NDUFB4: variants seen among roughly 807,000 people sequenced by gnomAD.
The protein encoded by NDUFB4 is NADH:ubiquinone oxidoreductase subunit B4.
A neutral mutation model predicts 14.5 loss-of-function variants in NDUFB4; 10 were observed. The ratio of observed to expected loss-of-function variants is 0.69; its 90% CI spans 0.43 to 1.17. NDUFB4 has a LOEUF of 1.17. Ranked by LOEUF, NDUFB4 falls within the 50% of genes most tolerant of loss-of-function variation. The pLI is 0.00. For synonymous variants in NDUFB4, 65 were observed against 63.4 expected (o/e 1.03, Z -0.12); for missense variants, 165 against 161.1 (o/e 1.02, Z -0.13).
chr3:120,600,706 C>G (rs1940043055), intron 1 of NDUFB4, among the ~76,000 whole-genome samples: 1 of 152,160 alleles, frequency 6.6e-6, no homozygotes, highest in Non-Finnish European at 1.5e-5. Flanking sequence ...AAATCTGTTT[C>G]TCTTCATTGG....
intron 1 of NDUFB4, among the ~76,000 whole-genome samples, chr3:120,598,145 C>T (rs536514707): frequency 3.3e-5 from 5 of 151,916 alleles, no homozygotes; most frequent in South Asian, 2.1e-4. Flanking sequence ...CTCTGCCTCC[C>T]GGGCTCAAGC....
Position 120,600,230 on chromosome 3 carries a change from C to T in NDUFB4, c.181-881C>T, listed in dbSNP as rs1300359276. On this transcript the variant is annotated intron_variant, in intron 1 of 2. Transcript: ENST00000184266. ...AAGACCTTGTGAAATTATTTTAGTC[C>T]TACAAATCATGACTTCTTGATGTTG... Among the ~76,000 whole-genome samples the T allele has an allele frequency of 2.0e-5, 3 of 148,188 alleles. No individual in the cohort carries two copies. In the Admixed American group the frequency reaches 2.1e-4, roughly 10 times the overall value.
chr3:120,601,475 T>C, intron 2 of NDUFB4: 1 of 1,397,076 alleles, frequency 7.2e-7, no homozygotes, highest in Non-Finnish European at 9.2e-7. Context: ...AGTTCATTTG[T>C]TTTTTAAAAA....
intron 1 of NDUFB4, among the ~76,000 whole-genome samples, chr3:120,600,272 T>G (rs1419676735): frequency 6.6e-6 from 1 of 151,826 alleles, no homozygotes; most frequent in Non-Finnish European, 1.5e-5. Context: ...ACCTTGAATA[T>G]TCATGTTATA....
chr3:120,599,124 T>C (rs989564397), intron 1 of NDUFB4, among the ~76,000 whole-genome samples: 1 of 152,162 alleles, frequency 6.6e-6, no homozygotes, highest in Non-Finnish European at 1.5e-5. Flanking sequence ...CAAGGATGAC[T>C]CCAAGGTTTT....
intron 1 of NDUFB4, among the ~76,000 whole-genome samples, chr3:120,600,473 A>G (rs1940039352): frequency 6.6e-6 from 1 of 152,162 alleles, no homozygotes; most frequent in Non-Finnish European, 1.5e-5. Context: ...AGACAGTCTG[A>G]TTATTTTTCT....
chr3:120,602,341 C>T lies in NDUFB4; in HGVS notation c.*71C>T, dbSNP rs894266873. 2.2e-6 allele frequency: 3 copies of T among 1,388,212 alleles called. No homozygotes were observed. The allele number at this position is 1,388,212 out of a possible 1,614,324, so 86.0% of individuals were successfully genotyped here. A position where few individuals can be genotyped will look rare whatever the true frequency, so the allele number is the denominator to read the frequency against. On this transcript the variant is annotated 3_prime_UTR_variant, in exon 3 of 3. Coordinates refer to ENST00000184266, the MANE Select transcript of NDUFB4 (RefSeq NM_004547.6). ...TATTAATCATTAAGTAGTAGTTTCT[C>T]TTTCTTAGTATTACCTTGATTCAAT... is the stretch of plus-strand genomic sequence containing the variant.
intron 1 of NDUFB4, 136 bp downstream of exon 1, chr3:120,596,675 A>G (rs1939962140): frequency 1.0e-6 from 1 of 965,640 alleles, no homozygotes; most frequent in East Asian, 2.7e-5. Context: ...CCAACTCACT[A>G]CCCTTTTACC....
rs1940080652 is a variant in NDUFB4 at position 120,602,408 on chromosome 3, A to G, written c.*138A>G. On this transcript the variant is annotated 3_prime_UTR_variant, in exon 3 of 3. Coordinates refer to ENST00000184266, the MANE Select transcript of NDUFB4 (RefSeq NM_004547.6). ...ACCCTAACAACACAGAAGCAGACGC[A>G]GCCCGTGTTGGGAATCTGCTGTCAG... 1 of 759,996 alleles carries G rather than the reference A, an allele frequency of 1.3e-6. No homozygotes were observed. Among genetic ancestry groups the G allele is most frequent in the Non-Finnish European group, 2.1e-6 (1 of 483,768 alleles). 47.1% of individuals were successfully genotyped at this position (759,996 alleles called of 1,614,324 possible).
rs916594899 is a variant in NDUFB4, at chr3:120,600,962, C to A, written c.181-149C>A. The A allele has an allele frequency of 6.3e-6, 4 of 631,156 alleles. No individual in the cohort carries two copies. In the African/African-American group the frequency reaches 7.5e-5, roughly 12 times the overall value. 39.1% of individuals were successfully genotyped at this position (631,156 alleles called of 1,614,324 possible). On this transcript the variant is annotated intron_variant, in intron 1 of 2. Transcript: ENST00000184266. The stretch of plus-strand genomic sequence containing the variant: ...AAAACACCAGAAATGAAAGATCTTT[C>A]CTGAAGCTGTTTAGGAATATTCATG...
chr3:120,597,081 A>G (rs1385682073), intron 1 of NDUFB4, among the ~76,000 whole-genome samples: 1 of 146,950 alleles, frequency 6.8e-6, no homozygotes, highest in Non-Finnish European at 1.5e-5. Flanking sequence ...TTATATATAT[A>G]TATAATTTTA....
At chr3:120,600,430 A>G (rs560912729) in intron 1 of NDUFB4, among the ~76,000 whole-genome samples, 3 of 152,306 alleles carry the variant, frequency 2.0e-5, no homozygotes, top group Admixed American at 2.0e-4. Flanking sequence ...TTATTCTAGT[A>G]TAAATATATT....
At chr3:120,598,122 G>T (rs139689412) in intron 1 of NDUFB4, among the ~76,000 whole-genome samples, 1 of 150,370 alleles carries the variant, frequency 6.7e-6, no homozygotes, top group African/African-American at 2.5e-5. Flanking sequence ...GTATGATCTC[G>T]GCTCACTGCA....
At chr3:120,597,897 A>G (rs146352694) in intron 1 of NDUFB4, among the ~76,000 whole-genome samples, 4,672 of 152,190 alleles carry the variant, frequency 0.031, 73 homozygotes, top group African/African-American at 0.04. Flanking sequence ...AATTGAAACC[A>G]AGATCTTCTG....
intron 1 of NDUFB4, among the ~76,000 whole-genome samples, chr3:120,598,167 C>T (rs1939998840): frequency 6.6e-6 from 1 of 151,972 alleles, no homozygotes; most frequent in Non-Finnish European, 1.5e-5. Flanking sequence ...GTCCTCCCAC[C>T]TCCGCCTTCC....
At position 120,596,521 on chromosome 3, in the gene NDUFB4, C is replaced by T. The variant is rs779196295; in HGVS notation, c.162C>T (p.Pro54=). ...KREYLLQYND[P]NRRGLIENPA... ...AGTACCTGCTTCAGTACAACGATCC[C>T]AACCGCCGAGGGCTCATCGTGAGTG... The change falls in exon 1 of 3, where the codon CCC becomes CCT. Residue 54 remains proline, a synonymous_variant. Transcript: ENST00000184266. The T allele has an allele frequency of 6.2e-7, 1 of 1,613,658 alleles. No homozygotes were observed. The highest frequency in any genetic ancestry group is 1.1e-5 in the South Asian group (1 of 90,984).
Position 120,602,238 on chromosome 3 carries a change from A to G in NDUFB4, c.358A>G (p.Lys120Glu). The change falls in exon 3 of 3, where the codon AAA (lysine) becomes GAA (glutamate). Residue 120 changes from lysine to glutamate, a missense_variant. Transcript: ENST00000184266. ...DRKEKLIQEG[K>E]LDRTFHLSY ...GAAAGAAAAACTTATCCAGGAAGGA[A>G]AATTGGATCGAACATTTCACCTCTC... 1.9e-6 allele frequency: 3 copies of G among 1,611,310 alleles called. No individual in the cohort carries two copies. The highest frequency in any genetic ancestry group is 2.5e-6 in the Non-Finnish European group (3 of 1,179,608).
intron 1 of NDUFB4, among the ~76,000 whole-genome samples, chr3:120,599,286 CAGTT>C (rs1455827985): frequency 6.6e-6 from 1 of 152,082 alleles, no homozygotes; most frequent in East Asian, 1.9e-4. Flanking sequence ...CAGAGTTCAG[CAGTT>C]GGTTGGATAT....
At chr3:120,601,698 T>C in intron 2 of NDUFB4, 2 of 1,027,308 alleles carry the variant, frequency 1.9e-6, no homozygotes, top group Non-Finnish European at 2.3e-6. Context: ...AAGCTGATCT[T>C]TGGCACCAAA....
Sources: gnomAD v4.1 joint callset for allele counts (sites outside exome capture counted in the v4.1 genomes callset) on GRCh38, gnomAD v4.1.1 for gene constraint, MANE v1.5 for transcripts, NCBI Gene and HGNC (gene_info 2026-07-23, HGNC 2026-07-21) for gene names.